The following ADAMTSL1 variants were observed in gnomAD, a reference collection of about 807,000 sequenced individuals.
The protein encoded by ADAMTSL1 is ADAMTS-like protein 1.
Under a neutral mutation model 201.8 loss-of-function variants are expected in ADAMTSL1, and 126 were observed. The ratio of observed to expected loss-of-function variants is 0.62; its 90% CI spans 0.54 to 0.72. The LOEUF (loss-of-function observed/expected upper bound fraction) is 0.72, where lower values mean the gene tolerates loss of function less well. Ranked by LOEUF, ADAMTSL1 falls within the 30% of genes least tolerant of loss-of-function variation. The pLI is 0.00. For synonymous variants in ADAMTSL1, 1,121 were observed against 903.4 expected (o/e 1.24, Z -4.32); for missense variants, 2,679 against 2,277.8 (o/e 1.18, Z -3.59).
intron 2 of ADAMTSL1, among the ~76,000 whole-genome samples, chr9:18,193,676 G>A (rs1829059879): frequency 6.6e-6 from 1 of 152,132 alleles, no homozygotes; most frequent in Admixed American, 6.6e-5. Context: ...CTCATCAAAA[G>A]GGAAAGGACA....
intron 2 of ADAMTSL1, among the ~76,000 whole-genome samples, chr9:18,307,932 C>A (rs1336864070): frequency 6.6e-6 from 1 of 152,012 alleles, no homozygotes; most frequent in Non-Finnish European, 1.5e-5. Context: ...TAAAATTGAC[C>A]ACATAATTGG....
chr9:18,089,647 G>C (rs1823920643), intron 1 of ADAMTSL1, among the ~76,000 whole-genome samples: 1 of 152,160 alleles, frequency 6.6e-6, no homozygotes, highest in African/African-American at 2.4e-5. Context: ...AGAACATTAT[G>C]CTATGAAATA....
chr9:18,317,866 C>G (rs749085302), intron 2 of ADAMTSL1, among the ~76,000 whole-genome samples: 3 of 152,182 alleles, frequency 2.0e-5, no homozygotes, highest in Non-Finnish European at 4.4e-5. Context: ...CTGAATTTTC[C>G]TCTAATCCCA....
intron 9 of ADAMTSL1, among the ~76,000 whole-genome samples, chr9:18,667,348 A>G (rs1278661864): frequency 1.3e-5 from 2 of 151,834 alleles, no homozygotes; most frequent in African/African-American, 4.8e-5. Context: ...AACAAGTGTT[A>G]TGTGTAGTAG....
At chr9:18,785,523 A>G (rs1245639843) in intron 19 of ADAMTSL1, among the ~76,000 whole-genome samples, 1 of 152,258 alleles carries the variant, frequency 6.6e-6, no homozygotes, top group Non-Finnish European at 1.5e-5. Flanking sequence ...ACATGTTTAC[A>G]GTGTTGATGG....
intron 1 of ADAMTSL1, among the ~76,000 whole-genome samples, chr9:18,149,016 G>C (rs1826781816): frequency 6.6e-6 from 1 of 151,978 alleles, no homozygotes; most frequent in Non-Finnish European, 1.5e-5. Context: ...TTTGCCAGCA[G>C]GTTCTCCAAT....
chr9:18,177,431 C>T (rs2132155644), intron 2 of ADAMTSL1, among the ~76,000 whole-genome samples: 1 of 152,226 alleles, frequency 6.6e-6, no homozygotes, highest in Non-Finnish European at 1.5e-5. Flanking sequence ...ATATTAAGTC[C>T]ACCGTATGTG....
chr9:17,968,741 A>G (rs1818080309), intron 1 of ADAMTSL1, among the ~76,000 whole-genome samples: 1 of 152,140 alleles, frequency 6.6e-6, no homozygotes, highest in African/African-American at 2.4e-5. Flanking sequence ...TTTTAAAACC[A>G]GTATCTATGC....
At chr9:18,012,480 A>G (rs1233858158) in intron 1 of ADAMTSL1, among the ~76,000 whole-genome samples, 13 of 152,056 alleles carry the variant, frequency 8.5e-5, no homozygotes, top group Admixed American at 8.5e-4. Context: ...TGTAAAGTGG[A>G]GGCTACTTGC....
chr9:18,726,831 TA>T (rs368299547), intron 15 of ADAMTSL1, among the ~76,000 whole-genome samples: 1 of 152,304 alleles, frequency 6.6e-6, no homozygotes, highest in Non-Finnish European at 1.5e-5. Flanking sequence ...TGGTACAGAA[TA>T]GATAAACAGG....
chr9:18,812,307 A>G (rs1294505455), intron 20 of ADAMTSL1, among the ~76,000 whole-genome samples: 3 of 152,190 alleles, frequency 2.0e-5, no homozygotes, highest in Non-Finnish European at 4.4e-5. Context: ...ACAAAAGTGC[A>G]AAAGCAATTC....
intron 15 of ADAMTSL1, among the ~76,000 whole-genome samples, chr9:18,726,123 G>A (rs1025927071): frequency 6.6e-6 from 1 of 152,030 alleles, no homozygotes; most frequent in African/African-American, 2.4e-5. Context: ...TTTCAAACTA[G>A]TACTTCTAGT....
intron 2 of ADAMTSL1, among the ~76,000 whole-genome samples, chr9:18,462,749 G>T (rs899677706): frequency 4.0e-5 from 6 of 151,896 alleles, no homozygotes; most frequent in African/African-American, 1.4e-4. Flanking sequence ...GACCAGCCTG[G>T]GTAACATGGT....
At chr9:17,982,001 A>C (rs945557313) in intron 1 of ADAMTSL1, among the ~76,000 whole-genome samples, 11 of 152,154 alleles carry the variant, frequency 7.2e-5, no homozygotes, top group Non-Finnish European at 1.6e-4. Context: ...TTGGGGCAAA[A>C]ATGGCTTTCC....
chr9:18,620,431 A>G (rs1391772366), intron 4 of ADAMTSL1, among the ~76,000 whole-genome samples: 11 of 152,208 alleles, frequency 7.2e-5, no homozygotes, highest in Admixed American at 7.2e-4. Context: ...GGTCCTCAAT[A>G]AATATTACCT....
intron 1 of ADAMTSL1, among the ~76,000 whole-genome samples, chr9:18,018,443 C>T (rs1268470037): frequency 6.6e-6 from 1 of 151,986 alleles, no homozygotes; most frequent in African/African-American, 2.4e-5. Context: ...ATAGTAATTC[C>T]CTCTAATAGA....
intron 9 of ADAMTSL1, among the ~76,000 whole-genome samples, chr9:18,673,677 G>C (rs780824373): frequency 1.3e-5 from 2 of 152,050 alleles, no homozygotes; most frequent in Non-Finnish European, 1.5e-5. Flanking sequence ...ACAGAGATCT[G>C]CAACAGTTTA....
intron 15 of ADAMTSL1, among the ~76,000 whole-genome samples, chr9:18,732,030 A>G (rs1051853252): frequency 6.6e-6 from 1 of 152,172 alleles, no homozygotes; most frequent in Non-Finnish European, 1.5e-5. Flanking sequence ...CCTTATCTGT[A>G]AAACAAAGAT....
chr9:18,065,220 C>T (rs1415045052), intron 1 of ADAMTSL1, among the ~76,000 whole-genome samples: 5 of 152,052 alleles, frequency 3.3e-5, no homozygotes, highest in Non-Finnish European at 5.9e-5. Context: ...GGGACAGATT[C>T]ACATCTCTGT....
Sources: allele counts gnomAD v4.1 joint callset (sites outside exome capture counted in the v4.1 genomes callset), GRCh38; gene constraint gnomAD v4.1.1; transcripts MANE v1.5; gene names NCBI Gene and HGNC (gene_info 2026-07-23, HGNC 2026-07-21).